The following PPP1R1C variants were observed in gnomAD, a reference collection of about 807,000 sequenced individuals.
The protein encoded by PPP1R1C is protein phosphatase 1 regulatory subunit 1C.
Under a neutral mutation model 17.4 loss-of-function variants are expected in PPP1R1C, and 15 were observed. That is an observed-to-expected ratio of 0.86 (90% CI 0.58 to 1.33). The LOEUF is 1.33. Ranked by LOEUF, PPP1R1C falls within the 40% of genes most tolerant of loss-of-function variation. PPP1R1C has a pLI of 0.00. For missense variants in PPP1R1C, 143 were observed against 130.0 expected (o/e 1.10, Z -0.48); for synonymous variants, 35 against 43.1 (o/e 0.81, Z 0.73).
chr2:182,123,500 C>T (rs1464335770), intron 5 of PPP1R1C, among the ~76,000 whole-genome samples: 4 of 152,198 alleles, frequency 2.6e-5, no homozygotes, highest in Non-Finnish European at 5.9e-5. Flanking sequence ...TTCTTCACAT[C>T]CTCTCCAGCA....
chr2:182,127,768 G>A (rs1689910189), intron 5 of PPP1R1C, among the ~76,000 whole-genome samples: 1 of 152,050 alleles, frequency 6.6e-6, no homozygotes, highest in Non-Finnish European at 1.5e-5. Context: ...CTAAATTAGG[G>A]TTCTCATAGT....
intron 2 of PPP1R1C, among the ~76,000 whole-genome samples, chr2:182,033,391 A>G (rs1686904038): frequency 6.6e-6 from 1 of 152,232 alleles, no homozygotes; most frequent in Non-Finnish European, 1.5e-5. Context: ...TTAGACGTCC[A>G]TGTTTAAAAA....
At position 182,105,736 on chromosome 2, in the gene PPP1R1C, G is replaced by A. The variant is rs146410093; in HGVS notation, c.242-11471G>A. 2.9e-3 allele frequency among the ~76,000 whole-genome samples: 443 copies of A among 152,298 alleles called. 1 individual carries two copies. Among genetic ancestry groups the A allele is most frequent in the Admixed American group, 5.8e-3 (88 of 15,296 alleles). ...TTCCAAGAAGCTGAATGTTTCATTG[G>A]CAGCAGGAGAAACGCAGTAGCTGTG... On this transcript the variant is annotated intron_variant, in intron 4 of 4. Transcript: ENST00000682840.
chr2:182,115,333 G>T (rs1452975808), intron 4 of PPP1R1C, among the ~76,000 whole-genome samples: 3 of 152,086 alleles, frequency 2.0e-5, no homozygotes, highest in Non-Finnish European at 4.4e-5. Context: ...CTTAATAATG[G>T]AACTTTATGA....
chr2:182,113,466 A>T (rs1250673933), intron 4 of PPP1R1C, among the ~76,000 whole-genome samples: 3 of 152,164 alleles, frequency 2.0e-5, no homozygotes, highest in Admixed American at 2.0e-4. Flanking sequence ...CTTAAAATGC[A>T]GATGAGAACT....
exon 6 of PPP1R1C, chr2:182,129,429 GT>G (rs1261057311): frequency 1.3e-5 from 2 of 151,728 alleles, no homozygotes; most frequent in Non-Finnish European, 2.9e-5. Flanking sequence ...AATTCCATTG[GT>G]CTTGATTTAA....
chr2:182,093,558 A>G (rs1045854654), intron 4 of PPP1R1C, among the ~76,000 whole-genome samples: 4 of 152,154 alleles, frequency 2.6e-5, no homozygotes, highest in Non-Finnish European at 5.9e-5. Context: ...AATTTTCCAA[A>G]CATTTATGCT....
chr2:182,055,708 G>A (rs752895752), intron 2 of PPP1R1C, among the ~76,000 whole-genome samples: 4 of 151,986 alleles, frequency 2.6e-5, no homozygotes, highest in Non-Finnish European at 5.9e-5. Flanking sequence ...CTTCCTTCTG[G>A]CTTCATGATT....
At chr2:182,130,062 A>T (rs1271832189), downstream of PPP1R1C, 1 of 152,176 alleles carries the variant, frequency 6.6e-6, no homozygotes, top group Non-Finnish European at 1.5e-5. Flanking sequence ...AACCTTTATC[A>T]TGTAAAATGA....
At position 182,105,846 on chromosome 2, in the gene PPP1R1C, A is replaced by T. The variant is rs564823956; in HGVS notation, c.242-11361A>T. Among the ~76,000 whole-genome samples, 7 of 152,306 alleles carry T rather than the reference A, an allele frequency of 4.6e-5. No homozygotes were observed. In the East Asian group the frequency reaches 1.4e-3, roughly 29 times the overall value. On this transcript the variant is annotated intron_variant, in intron 4 of 4. Transcript: ENST00000682840. The stretch of plus-strand genomic sequence containing the variant: ...CACAATTCAACGCTATGGATGTATT[A>T]GTTTGCTAGGGTTGCCATCACAATG...
At chr2:182,002,938 C>G (rs372797632) in intron 2 of PPP1R1C, among the ~76,000 whole-genome samples, 27 of 142,366 alleles carry the variant, frequency 1.9e-4, no homozygotes, top group Admixed American at 4.9e-4. Context: ...CCTCCCCCCC[C>G]CCACAACCCT....
intron 2 of PPP1R1C, among the ~76,000 whole-genome samples, chr2:182,012,546 T>TA (rs895785353): frequency 3.8e-4 from 57 of 151,970 alleles, no homozygotes; most frequent in Middle Eastern, 3.4e-3. Context: ...TGGGTCTTTT[T>TA]AAAAAAAACC....
chr2:182,010,582 G>A (rs1315773371), intron 2 of PPP1R1C, among the ~76,000 whole-genome samples: 1 of 151,926 alleles, frequency 6.6e-6, no homozygotes, highest in Admixed American at 6.6e-5. Flanking sequence ...GGATAATTTA[G>A]CTGCTTCTTT....
chr2:182,086,511 G>C (rs1296293965), intron 4 of PPP1R1C, among the ~76,000 whole-genome samples: 3 of 152,092 alleles, frequency 2.0e-5, no homozygotes, highest in Non-Finnish European at 4.4e-5. Context: ...CTGCATTTAT[G>C]AATCTGTTAT....
intron 1 of PPP1R1C, among the ~76,000 whole-genome samples, chr2:181,956,414 A>C (rs1355121566): frequency 6.6e-6 from 1 of 152,258 alleles, no homozygotes; most frequent in Admixed American, 6.5e-5. Context: ...GTATATACCC[A>C]GTAATGGGAT....
At chr2:182,031,162 TC>T in intron 2 of PPP1R1C, among the ~76,000 whole-genome samples, 1 of 152,290 alleles carries the variant, frequency 6.6e-6, no homozygotes, top group Middle Eastern at 3.4e-3. Flanking sequence ...AATGCAGAAA[TC>T]ACCTGTCTTC....
rs1208833896 is a variant in PPP1R1C at position 181,986,139 on chromosome 2, A to G, written c.29A>G (p.Gln10Arg). 2 of 1,613,800 alleles carry G rather than the reference A, an allele frequency of 1.2e-6. No individual in the cohort carries two copies. Among genetic ancestry groups the G allele is most frequent in the South Asian group, 2.2e-5 (2 of 91,078 alleles). The stretch of plus-strand genomic sequence containing the variant: ...GAGCCCAACAGTCCCAAAAAGATAC[A>G]GTTTGCCGTGCCTGTATTCCAGAGT... MEPNSPKKIQFAVPVFQSQI... is the reference protein window; with the variant it reads MEPNSPKKIRFAVPVFQSQI... Residue 10 changes from glutamine (Q) to arginine (R), a missense_variant, in exon 1 of 5, where the codon CAG becomes CGG. Gln to Arg is a conservative substitution (Grantham distance 43). Coordinates refer to ENST00000682840, the MANE Select transcript of PPP1R1C (RefSeq NM_001080545.3).
chr2:182,077,302 A>T (rs935671529), intron 4 of PPP1R1C, among the ~76,000 whole-genome samples: 22 of 152,014 alleles, frequency 1.4e-4, no homozygotes, highest in Middle Eastern at 3.4e-3. Flanking sequence ...CTGAACCATG[A>T]TAAAAAGGAG....
At chr2:182,021,832 C>T (rs970357530) in intron 2 of PPP1R1C, among the ~76,000 whole-genome samples, 1 of 152,152 alleles carries the variant, frequency 6.6e-6, no homozygotes, top group Non-Finnish European at 1.5e-5. Flanking sequence ...CTACACAAAA[C>T]AGAAAGTGGT....
Sources: gnomAD v4.1 joint callset for allele counts (sites outside exome capture counted in the v4.1 genomes callset) on GRCh38, gnomAD v4.1.1 for gene constraint, MANE v1.5 for transcripts, NCBI Gene and HGNC (gene_info 2026-07-23, HGNC 2026-07-21) for gene names.